Variants in GNB1L observed in about 807,000 individuals in gnomAD.
The protein encoded by GNB1L is G protein subunit beta 1 like, also known as guanine nucleotide-binding protein subunit beta-like protein 1.
A neutral mutation model predicts 29.1 loss-of-function variants in GNB1L; 20 were observed. That is an observed-to-expected ratio of 0.69 (90% CI 0.48 to 1.00). The LOEUF (loss-of-function observed/expected upper bound fraction) is 1.00, where lower values mean the gene tolerates loss of function less well. Among genes scored for constraint, GNB1L ranks in the 50% least tolerant of loss-of-function variants. GNB1L has a pLI of 0.00. For missense variants in GNB1L, 421 were observed against 464.9 expected (o/e 0.91, Z 0.87); for synonymous variants, 193 against 206.5 (o/e 0.93, Z 0.56).
chr22:19,788,349 T>G lies in GNB1L; in HGVS notation c.*360A>C. 1 of 572,718 alleles carries G rather than the reference T, an allele frequency of 1.7e-6. No individual in the cohort carries two copies. Among genetic ancestry groups the G allele is most frequent in the Non-Finnish European group, 3.1e-6 (1 of 322,160 alleles). The allele number at this position is 572,718 out of a possible 1,614,324, so 35.5% of individuals were successfully genotyped here. A position where few individuals can be genotyped will look rare whatever the true frequency, so the allele number is the denominator to read the frequency against. Reference sequence around the variant, plus strand: ...CTGAGCATCCTGCCTGGTGGGGGTCTGAGGGCACTGATGCTAAGTGGGGGA... The same window carrying G: ...CTGAGCATCCTGCCTGGTGGGGGTCGGAGGGCACTGATGCTAAGTGGGGGA... On this transcript the variant is annotated 3_prime_UTR_variant, in exon 8 of 8. Coordinates refer to ENST00000329517, the MANE Select transcript of GNB1L (RefSeq NM_053004.3).
At chr22:19,844,887 C>T (rs1219471868) in intron 2 of GNB1L, among the ~76,000 whole-genome samples, 1 of 152,224 alleles carries the variant, frequency 6.6e-6, no homozygotes, top group African/African-American at 2.4e-5. Flanking sequence ...TCAGCCTCTG[C>T]TCAGAGGCCT....
At chr22:19,797,868 G>A (rs13053668) in intron 7 of GNB1L, among the ~76,000 whole-genome samples, 5,941 of 151,538 alleles carry the variant, frequency 0.039, 171 homozygotes, top group Non-Finnish European at 0.063. Context: ...CCCTCCCACC[G>A]CGCACTGTAA....
At chr22:19,800,854 C>G (rs1937361816) in intron 7 of GNB1L, among the ~76,000 whole-genome samples, 1 of 152,224 alleles carries the variant, frequency 6.6e-6, no homozygotes, top group Non-Finnish European at 1.5e-5. Context: ...TTCCGCAGCT[C>G]CACCATGTGC....
rs572053651 is a variant in GNB1L, at chr22:19,805,610, G to A, written c.516+1049C>T. On this transcript the variant is annotated intron_variant, in intron 6 of 7. Coordinates refer to ENST00000329517, the MANE Select transcript of GNB1L (RefSeq NM_053004.3). Reference sequence around the variant, plus strand: ...ATCCTGGCTGAGATGGTGAAACCCCGGCTCTACTAAAAATACAAAAAATTA... The same window carrying A: ...ATCCTGGCTGAGATGGTGAAACCCCAGCTCTACTAAAAATACAAAAAATTA... Among the ~76,000 whole-genome samples the A allele has an allele frequency of 1.9e-3, 294 of 152,174 alleles. 3 individuals carry two copies. The highest frequency in any genetic ancestry group is 3.9e-3 in the Non-Finnish European group (268 of 67,994).
intron 4 of GNB1L, among the ~76,000 whole-genome samples, chr22:19,815,284 A>G (rs1048634763): frequency 6.6e-6 from 1 of 152,224 alleles, no homozygotes; most frequent in South Asian, 2.1e-4. Flanking sequence ...CAGCACCACA[A>G]AGGCCGATCT....
At chr22:19,792,783 A>G (rs1937266424) in intron 7 of GNB1L, 2 of 1,455,394 alleles carry the variant, frequency 1.4e-6, no homozygotes, top group East Asian at 2.3e-5. Context: ...CGTGGATCCC[A>G]TCGAGCTGGT....
chr22:19,851,848 A>T, intron 2 of GNB1L: 3 of 1,613,876 alleles, frequency 1.9e-6, no homozygotes, highest in South Asian at 1.1e-5. Context: ...TCTCGCAGAC[A>T]CGGCTGATGT....
chr22:19,810,540 T>G (rs1054333379), intron 5 of GNB1L, among the ~76,000 whole-genome samples: 1 of 152,140 alleles, frequency 6.6e-6, no homozygotes, highest in Non-Finnish European at 1.5e-5. Context: ...ACACACCACG[T>G]CTACCTGGGC....
rs5748427 is a variant in GNB1L at position 19,787,764 on chromosome 22, A to G, written c.*945T>C. The G allele has an allele frequency of 0.42, 64,361 of 152,226 alleles. 14,375 individuals are homozygous for G. The highest frequency in any genetic ancestry group is 0.58 in the East Asian group (2,972 of 5,168). The allele number at this position is 152,226 out of a possible 1,614,324, so 9.4% of individuals were successfully genotyped here. A position where few individuals can be genotyped will look rare whatever the true frequency, so the allele number is the denominator to read the frequency against. On this transcript the variant is annotated 3_prime_UTR_variant, in exon 8 of 8. Transcript: ENST00000329517. ...GCCCATGGGCCCCACTCCAATATTCAGGGTCATGGTTCTTTCCCAATCAAC... is the reference window on the plus strand; with the variant it reads ...GCCCATGGGCCCCACTCCAATATTCGGGGTCATGGTTCTTTCCCAATCAAC...
chr22:19,821,077 T>C, intron 3 of GNB1L, 151 bp downstream of exon 3: 1 of 735,296 alleles, frequency 1.4e-6, no homozygotes, highest in South Asian at 1.7e-5. Context: ...ACAGTGTGTC[T>C]GCTGGTGGGT....
intron 2 of GNB1L, chr22:19,852,393 C>T: frequency 1.0e-6 from 1 of 963,400 alleles, no homozygotes; most frequent in East Asian, 2.5e-5. Context: ...CTGGTCCAGG[C>T]AAGTGCTGAG....
At chr22:19,795,349 A>AAAAAC (rs777744714) in intron 7 of GNB1L, among the ~76,000 whole-genome samples, 3 of 152,228 alleles carry the variant, frequency 2.0e-5, no homozygotes, top group Non-Finnish European at 4.4e-5. Flanking sequence ...CTGGTAAAAA[A>AAAAAC]AAAACAAAAC....
At chr22:19,807,372 C>T (rs1313818809) in intron 5 of GNB1L, among the ~76,000 whole-genome samples, 1 of 152,058 alleles carries the variant, frequency 6.6e-6, no homozygotes, top group Non-Finnish European at 1.5e-5. Flanking sequence ...AGGGGATGGC[C>T]GAGGCCACAA....
chr22:19,784,163 C>T lies in GNB1L; in HGVS notation c.*4546G>A, dbSNP rs773586453. 1.3e-5 allele frequency: 2 copies of T among 152,360 alleles called. No homozygotes were observed. The highest frequency in any genetic ancestry group is 1.5e-5 in the Non-Finnish European group (1 of 68,034). The allele number at this position is 152,360 out of a possible 1,614,324, so 9.4% of individuals were successfully genotyped here. Reference sequence around the variant, plus strand: ...AGTATAAGCATTTCTAAAGAACCCCCGGAGGGTTGTTTTTCTTTGTGCAAA... The same window carrying T: ...AGTATAAGCATTTCTAAAGAACCCCTGGAGGGTTGTTTTTCTTTGTGCAAA... On this transcript the variant is annotated 3_prime_UTR_variant, in exon 8 of 8. Coordinates refer to ENST00000329517, the MANE Select transcript of GNB1L (RefSeq NM_053004.3).
At chr22:19,789,036 G>T in intron 7 of GNB1L, 76 bp from the exon 8 acceptor site, 1 of 1,469,652 alleles carries the variant, frequency 6.8e-7, no homozygotes, top group Non-Finnish European at 9.3e-7. Context: ...CCCACCTGCA[G>T]CTGGAACCAG....
intron 5 of GNB1L, among the ~76,000 whole-genome samples, chr22:19,808,274 T>G (rs1026407774): frequency 3.3e-5 from 5 of 152,042 alleles, no homozygotes; most frequent in African/African-American, 1.2e-4. Flanking sequence ...AAATAGAGCC[T>G]CCTGCCCATC....
intron 2 of GNB1L, among the ~76,000 whole-genome samples, chr22:19,844,127 A>T (rs1937911393): frequency 6.6e-6 from 1 of 152,090 alleles, no homozygotes; most frequent in African/African-American, 2.4e-5. Context: ...CGGTGCCTAC[A>T]TGCTGAACCC....
intron 2 of GNB1L, among the ~76,000 whole-genome samples, chr22:19,841,464 A>G (rs1288442793): frequency 6.6e-6 from 1 of 152,102 alleles, no homozygotes; most frequent in African/African-American, 2.4e-5. Flanking sequence ...CCCCATCTCT[A>G]CAAACAAATA....
In GNB1L at chr22:19,851,896, G is replaced by A. The variant is rs140705991; in HGVS notation, c.-21+2547C>T. Reference sequence around the variant, plus strand: ...GCTCAAAGTGGAAGGACATGTAATCGCCCAGCTGGGCCAAGAAGCGGTCCA... The same window carrying A: ...GCTCAAAGTGGAAGGACATGTAATCACCCAGCTGGGCCAAGAAGCGGTCCA... On this transcript the variant is annotated intron_variant, in intron 2 of 7. Transcript: ENST00000329517. The A allele has an allele frequency of 2.2e-5, 35 of 1,613,902 alleles. No homozygotes were observed. In the African/African-American group the frequency reaches 2.8e-4, roughly 13 times the overall value.
Sources: allele counts gnomAD v4.1 joint callset (sites outside exome capture counted in the v4.1 genomes callset), GRCh38; gene constraint gnomAD v4.1.1; transcripts MANE v1.5; gene names NCBI Gene and HGNC (gene_info 2026-07-23, HGNC 2026-07-21).